WDR27: variants seen among roughly 807,000 people sequenced by gnomAD.
The protein encoded by WDR27 is WD repeat-containing protein 27.
WDR27 carries 100 observed loss-of-function variants against 114.4 expected under a neutral mutation model. That is an observed-to-expected ratio of 0.87 (90% CI 0.74 to 1.03). WDR27 has a LOEUF of 1.03. WDR27 is among the 50% of genes least tolerant of loss of function. The probability of loss-of-function intolerance (pLI) is 0.00; values close to 1 mark genes in which losing one functional copy is unlikely to be tolerated. For synonymous variants in WDR27, 449 were observed against 423.1 expected (o/e 1.06, Z -0.75); for missense variants, 1,129 against 1,092.9 (o/e 1.03, Z -0.47).
At chr6:169,662,814 G>T (rs1442086109) in intron 8 of WDR27, among the ~76,000 whole-genome samples, 2 of 126,832 alleles carry the variant, frequency 1.6e-5, no homozygotes, top group Non-Finnish European at 3.2e-5. Flanking sequence ...CGGATCACGT[G>T]TCGAGGAAAG....
chr6:169,595,662 A>G (rs992269214), intron 23 of WDR27, among the ~76,000 whole-genome samples: 2 of 152,202 alleles, frequency 1.3e-5, no homozygotes, highest in Non-Finnish European at 2.9e-5. Context: ...AACAGATAGA[A>G]TATTTACAAA....
chr6:169,497,473 C>G (rs903843017), intron 25 of WDR27, among the ~76,000 whole-genome samples: 4 of 151,516 alleles, frequency 2.6e-5, no homozygotes, highest in African/African-American at 9.7e-5. Flanking sequence ...AATAAAAAAG[C>G]AATCCATAGG....
At chr6:169,673,603 T>C (rs1222197307) in intron 2 of WDR27, among the ~76,000 whole-genome samples, 4 of 151,870 alleles carry the variant, frequency 2.6e-5, no homozygotes, top group African/African-American at 9.7e-5. Context: ...CCCATAAAGA[T>C]ATCTACTATA....
chr6:169,643,856 C>G, intron 16 of WDR27, 70 bp from the exon 17 acceptor site: 1 of 1,280,922 alleles, frequency 7.8e-7, no homozygotes, highest in African/African-American at 1.5e-5. Context: ...TGTAGAAAAG[C>G]CTAGTTCACA....
the WDR27 span, among the ~76,000 whole-genome samples, chr6:169,432,372 AT>A: frequency 6.6e-6 from 1 of 152,196 alleles, no homozygotes; most frequent in Non-Finnish European, 1.5e-5. Flanking sequence ...TTTACCAAAA[AT>A]TTTGTTCACA....
At chr6:169,641,661 C>T (rs1188367784) in intron 17 of WDR27, among the ~76,000 whole-genome samples, 2 of 152,220 alleles carry the variant, frequency 1.3e-5, no homozygotes, top group Admixed American at 6.5e-5. Flanking sequence ...AGAAGCCACT[C>T]GGCGCAGCTC....
rs890437719 is a variant in WDR27 at position 169,693,531 on chromosome 6, T to C, written c.-7-4519A>G. ...TGGTCTAAGTGCTCCACTGGAAAGA[T>C]ACAAAATGGCAGAATGGATAAAAAT... On this transcript the variant is annotated intron_variant, in intron 1 of 25. Transcript: ENST00000448612. Among the ~76,000 whole-genome samples, 4 of 152,134 alleles carry C rather than the reference T, an allele frequency of 2.6e-5. No individual in the cohort carries two copies. In the South Asian group the frequency reaches 6.2e-4, roughly 24 times the overall value.
chr6:169,653,143 C>T (rs1027048536), intron 13 of WDR27, among the ~76,000 whole-genome samples: 1 of 152,200 alleles, frequency 6.6e-6, no homozygotes, highest in African/African-American at 2.4e-5. Context: ...AGCATGGAGC[C>T]CACTCTCACA....
rs533202943 is a variant in WDR27, at chr6:169,588,653, C to T, written c.2425-5719G>A. On this transcript the variant is annotated intron_variant, in intron 23 of 25. Coordinates refer to ENST00000448612, the MANE Select transcript of WDR27 (RefSeq NM_182552.5). ...CACATGCTTATTTGAAAAGTATTCC[C>T]GTGCAGTTGCTGCTGTAAGGGGTGG... 1.1e-3 allele frequency among the ~76,000 whole-genome samples: 174 copies of T among 152,268 alleles called. 1 individual carries two copies. Among genetic ancestry groups the T allele is most frequent in the Admixed American group, 2.0e-3 (30 of 15,294 alleles).
chr6:169,614,136 G>C (rs1811272101), intron 21 of WDR27, among the ~76,000 whole-genome samples: 2 of 152,272 alleles, frequency 1.3e-5, no homozygotes, highest in African/African-American at 2.4e-5. Flanking sequence ...CCCTGACTCT[G>C]ACTTGCTCCC....
intron 25 of WDR27, among the ~76,000 whole-genome samples, chr6:169,493,729 G>C (rs1357344292): frequency 6.6e-6 from 1 of 152,028 alleles, no homozygotes; most frequent in Non-Finnish European, 1.5e-5. Flanking sequence ...TTTTATAAGA[G>C]CAATATTTTA....
intron 25 of WDR27, among the ~76,000 whole-genome samples, chr6:169,547,749 C>T (rs1329053619): frequency 2.0e-5 from 3 of 152,038 alleles, no homozygotes; most frequent in Non-Finnish European, 4.4e-5. Flanking sequence ...AGGAACAAAG[C>T]AAGGATATCC....
intron 25 of WDR27, among the ~76,000 whole-genome samples, chr6:169,567,911 T>C (rs1383515032): frequency 6.6e-6 from 1 of 152,128 alleles, no homozygotes; most frequent in African/African-American, 2.4e-5. Context: ...CTGGCCCTTG[T>C]ACCCCAGCCA....
At chr6:169,653,825 G>A (rs1457957013) in intron 13 of WDR27, among the ~76,000 whole-genome samples, 1 of 152,270 alleles carries the variant, frequency 6.6e-6, no homozygotes, top group Admixed American at 6.5e-5. Context: ...TCAGGGAGGT[G>A]AGGGCAGAAA....
At chr6:169,480,299 C>T (rs959807280) in intron 25 of WDR27, among the ~76,000 whole-genome samples, 6 of 152,330 alleles carry the variant, frequency 3.9e-5, no homozygotes, top group Non-Finnish European at 8.8e-5. Context: ...GACCTGCAGC[C>T]TGACATGCCC....
chr6:169,569,606 A>C (rs1357055423), intron 25 of WDR27, among the ~76,000 whole-genome samples: 1 of 152,220 alleles, frequency 6.6e-6, no homozygotes, highest in Non-Finnish European at 1.5e-5. Flanking sequence ...AAATACTTAT[A>C]AACTTAGTAA....
intron 2 of WDR27, among the ~76,000 whole-genome samples, chr6:169,673,565 A>G (rs1020968264): frequency 6.6e-6 from 1 of 151,964 alleles, no homozygotes; most frequent in African/African-American, 2.4e-5. Context: ...AACTGAGGGA[A>G]GTGACCCCAG....
At chr6:169,667,890 C>T (rs2128288887) in intron 5 of WDR27, 92 bp downstream of exon 5, 4 of 1,249,338 alleles carry the variant, frequency 3.2e-6, no homozygotes, top group East Asian at 2.6e-5. Context: ...CTCAGGCGGC[C>T]GTGGCCGTGA....
At chr6:169,634,613 AGAAAG>A in intron 19 of WDR27, 88 bp from the exon 20 acceptor site, 1 of 835,980 alleles carries the variant, frequency 1.2e-6, no homozygotes, top group Middle Eastern at 2.3e-4. Flanking sequence ...AAACATGAAA[AGAAAG>A]TTTTCATATC....
Sources: allele counts gnomAD v4.1 joint callset (sites outside exome capture counted in the v4.1 genomes callset), GRCh38; gene constraint gnomAD v4.1.1; transcripts MANE v1.5; gene names NCBI Gene and HGNC (gene_info 2026-07-23, HGNC 2026-07-21).